ZFYVE28: variants seen among roughly 807,000 people sequenced by gnomAD.
ZFYVE28 encodes zinc finger FYVE-type containing 28.
Under a neutral mutation model 82.1 loss-of-function variants are expected in ZFYVE28, and 40 were observed. The ratio of observed to expected loss-of-function variants is 0.49; its 90% CI spans 0.38 to 0.63. The LOEUF (loss-of-function observed/expected upper bound fraction) is 0.63, where lower values mean the gene tolerates loss of function less well. Among genes scored for constraint, ZFYVE28 ranks in the 30% least tolerant of loss-of-function variants. The pLI, the probability that ZFYVE28 is intolerant of heterozygous loss-of-function variation, is 0.00. For synonymous variants in ZFYVE28, 612 were observed against 546.1 expected, an observed-to-expected ratio of 1.12 and a Z score of -1.68; for missense variants, 1,321 against 1,242.1, an observed-to-expected ratio of 1.06 and a Z score of -0.96.
intron 7 of ZFYVE28, chr4:2,319,014 TC>T: frequency 6.6e-6 from 1 of 152,476 alleles, no homozygotes; most frequent in Non-Finnish European, 1.5e-5. Flanking sequence ...GCAGATATGC[TC>T]CCAGGACGTC....
intron 1 of ZFYVE28, among the ~76,000 whole-genome samples, chr4:2,390,495 G>A (rs1452308864): frequency 1.3e-5 from 2 of 152,158 alleles, no homozygotes; most frequent in Admixed American, 1.3e-4. Context: ...CCCCATGTCG[G>A]GGGCTCAGGA....
intron 6 of ZFYVE28, among the ~76,000 whole-genome samples, chr4:2,322,849 C>G (rs1719299746): frequency 6.6e-6 from 1 of 152,190 alleles, no homozygotes; most frequent in Non-Finnish European, 1.5e-5. Context: ...TAATACGTGA[C>G]CTTTGTGACC....
intron 1 of ZFYVE28, among the ~76,000 whole-genome samples, chr4:2,404,054 C>T (rs1414987692): frequency 6.6e-5 from 10 of 151,416 alleles, no homozygotes; most frequent in African/African-American, 1.7e-4. Flanking sequence ...GGCATGGTGG[C>T]TCACACCTGT....
In ZFYVE28 at chr4:2,320,142, C is replaced by T; in HGVS notation, c.803+28G>A. 1.3e-6 allele frequency: 2 copies of T among 1,550,108 alleles called. No individual in the cohort carries two copies. Among genetic ancestry groups the T allele is most frequent in the Non-Finnish European group, 8.9e-7 (1 of 1,122,920 alleles). ...TGTGGCCCTCCTGTCCCCCTCCCCTCCCCCACCTCCTCTAGCTCCATCCCC... is the reference window on the plus strand; with the variant it reads ...TGTGGCCCTCCTGTCCCCCTCCCCTTCCCCACCTCCTCTAGCTCCATCCCC... On this transcript the variant is annotated intron_variant, in intron 7 of 12. Transcript: ENST00000290974. The surrounding 1 kb of genome is among the most constrained non-coding windows in gnomAD (Gnocchi z 5.1).
intron 8 of ZFYVE28, among the ~76,000 whole-genome samples, chr4:2,293,701 C>T (rs1395523333): frequency 7.2e-6 from 1 of 139,124 alleles, no homozygotes; most frequent in African/African-American, 2.6e-5. Flanking sequence ...TGCAGTGAGC[C>T]GAGATCACAC....
In ZFYVE28 at chr4:2,408,392, A is replaced by T. The variant is rs1732150752; in HGVS notation, c.39+9893T>A. 6.6e-6 allele frequency among the ~76,000 whole-genome samples: 1 copy of T among 150,970 alleles called. No homozygotes were observed. Among genetic ancestry groups the T allele is most frequent in the Non-Finnish European group, 1.5e-5 (1 of 67,892 alleles). ...GGGGCTGGCCCTATGGACACTGTGG[A>T]GGTGATGCCATGTGACTTCCAGGCT... is the stretch of plus-strand genomic sequence containing the variant. On this transcript the variant is annotated intron_variant, in intron 1 of 12. Transcript: ENST00000290974. This position sits in a 1 kb window ranked among gnomAD's most constrained non-coding sequence, Gnocchi z 4.3.
intron 1 of ZFYVE28, among the ~76,000 whole-genome samples, chr4:2,376,745 G>A (rs1728184993): frequency 1.3e-5 from 2 of 152,104 alleles, no homozygotes; most frequent in Non-Finnish European, 2.9e-5. Context: ...AATTCAAGAT[G>A]AGATTTGGGT....
chr4:2,414,425 A>T (rs1271821874), intron 1 of ZFYVE28, among the ~76,000 whole-genome samples: 1 of 152,266 alleles, frequency 6.6e-6, no homozygotes, highest in Non-Finnish European at 1.5e-5. Context: ...GTTTACAGGA[A>T]GTTGCCAAAT....
intron 6 of ZFYVE28, chr4:2,325,221 G>T (rs998251922): frequency 2.6e-5 from 4 of 152,084 alleles, no homozygotes; most frequent in African/African-American, 9.7e-5. Context: ...AAATAGCATA[G>T]AATCTATACT....
chr4:2,275,351 T>A (rs1171095024), intron 8 of ZFYVE28, among the ~76,000 whole-genome samples: 1 of 152,236 alleles, frequency 6.6e-6, no homozygotes, highest in Admixed American at 6.5e-5. Flanking sequence ...CCTCTCATTT[T>A]AAACTAATTT....
chr4:2,362,396 C>T lies in ZFYVE28; in HGVS notation c.40-8323G>A, dbSNP rs1466936411. On this transcript the variant is annotated intron_variant, in intron 1 of 12. Coordinates refer to ENST00000290974, the MANE Select transcript of ZFYVE28 (RefSeq NM_020972.3). The surrounding 1 kb of genome is among the most constrained non-coding windows in gnomAD (Gnocchi z 5.1). Reference sequence around the variant, plus strand: ...TGCGGCCCCACAGCTGTGACCCCCACAGCAGCTGTTCCTCAGCCCTCACCA... The same window carrying T: ...TGCGGCCCCACAGCTGTGACCCCCATAGCAGCTGTTCCTCAGCCCTCACCA... Among the ~76,000 whole-genome samples, 6 of 152,170 alleles carry T rather than the reference C, an allele frequency of 3.9e-5. No homozygotes were observed. The highest frequency in any genetic ancestry group is 7.4e-5 in the Non-Finnish European group (5 of 68,018).
chr4:2,382,187 T>C (rs1422679577), intron 1 of ZFYVE28, among the ~76,000 whole-genome samples: 2 of 152,242 alleles, frequency 1.3e-5, no homozygotes, highest in Non-Finnish European at 2.9e-5. Flanking sequence ...GGAGAACCTC[T>C]GCTAGGGCAG....
intron 1 of ZFYVE28, among the ~76,000 whole-genome samples, chr4:2,401,918 C>G (rs1355778402): frequency 6.6e-6 from 1 of 152,212 alleles, no homozygotes; most frequent in Non-Finnish European, 1.5e-5. Flanking sequence ...GTTCACTTGG[C>G]CCTCCCAGCG....
chr4:2,272,811 C>T lies in ZFYVE28; in HGVS notation c.2323+362G>A, dbSNP rs558395359. Among the ~76,000 whole-genome samples the T allele has an allele frequency of 2.6e-4, 39 of 152,364 alleles. No individual in the cohort carries two copies. The South Asian group carries it at 3.7e-3, about 15-fold the overall frequency. On this transcript the variant is annotated intron_variant, in intron 10 of 12. Transcript: ENST00000290974. ...GGGAGGGTTTGGGTTCTCCCAGCCT[C>T]CATCAGACGCAGAGGTGCAGTCACC...
chr4:2,308,627 C>CAGACAGAAAGAA (rs1553830470), intron 7 of ZFYVE28, among the ~76,000 whole-genome samples: 2 of 79,522 alleles, frequency 2.5e-5, no homozygotes, highest in African/African-American at 5.3e-5. Flanking sequence ...AGAAAGAAGA[C>CAGACAGAAAGAA]AGAAAGAAAG....
intron 1 of ZFYVE28, among the ~76,000 whole-genome samples, chr4:2,404,754 G>A (rs1209651697): frequency 1.3e-5 from 2 of 152,090 alleles, no homozygotes; most frequent in African/African-American, 2.4e-5. Context: ...AAATCAGAGA[G>A]AGCCAATGGC....
chr4:2,377,684 C>T (rs1443030180), intron 1 of ZFYVE28, among the ~76,000 whole-genome samples: 2 of 152,200 alleles, frequency 1.3e-5, no homozygotes, highest in African/African-American at 2.4e-5. Flanking sequence ...GGGCTTTTTC[C>T]ATTTCTCGTA....
chr4:2,272,292 G>A (rs1735984817), intron 10 of ZFYVE28, among the ~76,000 whole-genome samples: 1 of 152,196 alleles, frequency 6.6e-6, no homozygotes, highest in South Asian at 2.1e-4. Context: ...TGCCCCATGT[G>A]CCCGGACGCC....
rs1384639672 is a variant in ZFYVE28, at chr4:2,335,447, G to A, written c.701+258C>T. Among the ~76,000 whole-genome samples the A allele has an allele frequency of 6.6e-6, 1 of 152,120 alleles. No homozygotes were observed. Among genetic ancestry groups the A allele is most frequent in the African/African-American group, 2.4e-5 (1 of 41,422 alleles). ...GGATCTCACCTGTCCAGTGGCAGGTGGCAGGTGTTAGGCCACCTTGCCCTA... is the reference window on the plus strand; with the variant it reads ...GGATCTCACCTGTCCAGTGGCAGGTAGCAGGTGTTAGGCCACCTTGCCCTA... On this transcript the variant is annotated intron_variant, in intron 6 of 12. Transcript: ENST00000290974. The surrounding 1 kb of genome is among the most constrained non-coding windows in gnomAD (Gnocchi z 5.8).
Sources: gnomAD v4.1 joint callset for allele counts (sites outside exome capture counted in the v4.1 genomes callset) on GRCh38, gnomAD v4.1.1 for gene constraint, Gnocchi (gnomAD v3.1) non-coding constraint, MANE v1.5 for transcripts, NCBI Gene and HGNC (gene_info 2026-07-23, HGNC 2026-07-21) for gene names.